The following LRP1B variants were observed in gnomAD, a reference collection of about 807,000 sequenced individuals.
LRP1B encodes the protein low-density lipoprotein receptor-related protein 1B.
Under a neutral mutation model 556.6 loss-of-function variants are expected in LRP1B, and 217 were observed. That is an observed-to-expected ratio of 0.39 (90% confidence interval 0.35 to 0.44). LRP1B has a LOEUF of 0.44. Ranked by LOEUF, LRP1B falls within the 20% of genes least tolerant of loss-of-function variation. The probability of loss-of-function intolerance (pLI) is 1.00; values close to 1 mark genes in which losing one functional copy is unlikely to be tolerated. For synonymous variants in LRP1B, 2,047 were observed against 1,865.8 expected (o/e 1.10, Z -2.50); for missense variants, 5,053 against 5,620.8 (o/e 0.90, Z 3.23).
intron 31 of LRP1B, among the ~76,000 whole-genome samples, chr2:140,828,336 G>A (rs186038973): frequency 9.9e-5 from 15 of 151,836 alleles, no homozygotes; most frequent in South Asian, 6.2e-4. Flanking sequence ...AGGGCCGGGC[G>A]CGGTGGCTCA....
At chr2:141,846,431 A>T (rs1486412657) in intron 1 of LRP1B, among the ~76,000 whole-genome samples, 1 of 151,596 alleles carries the variant, frequency 6.6e-6, no homozygotes, top group Non-Finnish European at 1.5e-5. Context: ...GATTGTATAG[A>T]TATGTTTTAC....
chr2:140,641,208 TCTTGGAACAATGA>T lies in LRP1B; in HGVS notation c.6800-39582_6800-39570del. ...GGCTGTTCTTTTTATGAAATTTAAA[TCTTGGAACAATGA>T]CTGATAGTATAAAGGGAAATTAGCT... is the stretch of plus-strand genomic sequence containing the variant. On this transcript the variant is annotated intron_variant, in intron 41 of 90. Coordinates refer to ENST00000389484, the MANE Select transcript of LRP1B (RefSeq NM_018557.3). Among the ~76,000 whole-genome samples, 3 of 152,324 alleles carry T rather than the reference TCTTGGAACAATGA, an allele frequency of 2.0e-5. No individual in the cohort carries two copies. The Middle Eastern group carries it at 0.01, about 518-fold the overall frequency.
At chr2:140,879,951 A>T (rs1268032385) in intron 25 of LRP1B, among the ~76,000 whole-genome samples, 1 of 102,406 alleles carries the variant, frequency 9.8e-6, no homozygotes, top group Non-Finnish European at 2.3e-5. Flanking sequence ...GATCCTGGTT[A>T]AAAAAAAAAA....
At chr2:140,630,655 C>T (rs1192748281) in intron 41 of LRP1B, among the ~76,000 whole-genome samples, 1 of 152,024 alleles carries the variant, frequency 6.6e-6, no homozygotes, top group Non-Finnish European at 1.5e-5. Flanking sequence ...CACGTTCTCA[C>T]AGTGAAGAAT....
At chr2:141,436,723 A>G (rs2104995258) in intron 3 of LRP1B, among the ~76,000 whole-genome samples, 1 of 152,298 alleles carries the variant, frequency 6.6e-6, no homozygotes, top group Admixed American at 6.5e-5. Context: ...TAAATTTCCA[A>G]TTAGATTCTT....
chr2:140,859,683 G>A (rs1304706872), intron 27 of LRP1B, among the ~76,000 whole-genome samples: 1 of 151,934 alleles, frequency 6.6e-6, no homozygotes, highest in Non-Finnish European at 1.5e-5. Flanking sequence ...CCTCTTAATG[G>A]TAACCTTTGT....
intron 10 of LRP1B, among the ~76,000 whole-genome samples, chr2:141,049,712 C>T (rs187628197): frequency 6.6e-6 from 1 of 152,192 alleles, no homozygotes; most frequent in East Asian, 1.9e-4. Context: ...GTATCACTAA[C>T]TTGCATGTGA....
At chr2:141,965,652 C>T (rs1242012372) in intron 1 of LRP1B, among the ~76,000 whole-genome samples, 92 of 130,252 alleles carry the variant, frequency 7.1e-4, no homozygotes, top group Non-Finnish European at 1.2e-3. Flanking sequence ...TGCTAGATGA[C>T]GAGTTAGTGG....
chr2:141,596,570 C>A (rs1215565461), intron 2 of LRP1B, among the ~76,000 whole-genome samples: 1 of 151,936 alleles, frequency 6.6e-6, no homozygotes, highest in African/African-American at 2.4e-5. Context: ...AACATAACCA[C>A]AAATGCACTC....
At chr2:142,010,782 C>T (rs1283658558) in intron 1 of LRP1B, among the ~76,000 whole-genome samples, 1 of 151,924 alleles carries the variant, frequency 6.6e-6, no homozygotes, top group Admixed American at 6.6e-5. Context: ...CCAGGAATGA[C>T]AATGGTTGAT....
intron 47 of LRP1B, among the ~76,000 whole-genome samples, chr2:140,531,912 C>T (rs889412365): frequency 6.6e-6 from 1 of 152,106 alleles, no homozygotes; most frequent in Admixed American, 6.6e-5. Flanking sequence ...CTCTATTAGT[C>T]CTGCAGGCTA....
chr2:141,240,003 C>T (rs539103502), intron 5 of LRP1B, among the ~76,000 whole-genome samples: 3 of 152,110 alleles, frequency 2.0e-5, no homozygotes, highest in Admixed American at 6.6e-5. Flanking sequence ...TTCTTTGTAA[C>T]TTGATGTTCT....
At chr2:140,706,034 C>T (rs912228265) in intron 37 of LRP1B, among the ~76,000 whole-genome samples, 3 of 152,054 alleles carry the variant, frequency 2.0e-5, no homozygotes, top group African/African-American at 4.8e-5. Context: ...TCTCCAAGCT[C>T]GTAAAACTGC....
At chr2:141,077,800 AT>A (rs1383535020) in intron 7 of LRP1B, among the ~76,000 whole-genome samples, 1 of 151,930 alleles carries the variant, frequency 6.6e-6, no homozygotes, top group African/African-American at 2.4e-5. Context: ...CTTAAAAGAA[AT>A]CTCTCTATAT....
At chr2:140,312,719 A>G (rs963521982) in intron 83 of LRP1B, among the ~76,000 whole-genome samples, 36 of 152,058 alleles carry the variant, frequency 2.4e-4, no homozygotes, top group African/African-American at 7.5e-4. Flanking sequence ...CAATATCAAA[A>G]TATTTCATTT....
chr2:142,115,727 TAA>T lies in LRP1B; in HGVS notation c.82+14919_82+14920del, dbSNP rs796570637. ...ATATAATATATATGTAATATATATA[TAA>T]TATATATGTAATATATATATTATAT... On this transcript the variant is annotated intron_variant, in intron 1 of 90. Coordinates refer to ENST00000389484, the MANE Select transcript of LRP1B (RefSeq NM_018557.3). Among the ~76,000 whole-genome samples, 11 of 16,106 alleles carry T rather than the reference TAA, an allele frequency of 6.8e-4. 5 individuals carry two copies. The highest frequency in any genetic ancestry group is 1.7e-3 in the African/African-American group (11 of 6,508). The allele number at this position is 16,106 out of a possible 152,430, so 10.6% of individuals were successfully genotyped here.
intron 87 of LRP1B, among the ~76,000 whole-genome samples, chr2:140,242,706 G>A (rs1211426165): frequency 1.3e-5 from 2 of 150,994 alleles, no homozygotes; most frequent in African/African-American, 4.8e-5. Flanking sequence ...GGCTTAAGGA[G>A]CAAATCCTCT....
chr2:140,502,940 C>A lies in LRP1B; in HGVS notation c.8662+23G>T, dbSNP rs139728800. On this transcript the variant is annotated intron_variant, in intron 54 of 90. Transcript: ENST00000389484. ...CATTGAAAACACTTTAGAGTAAATG[C>A]GGTATTGTATATATTTCTGTACCTG... 1.3e-3 allele frequency: 2,134 copies of A among 1,608,532 alleles called. 6 individuals are homozygous for A. The highest frequency in any genetic ancestry group is 1.5e-3 in the Non-Finnish European group (1,807 of 1,176,090).
chr2:141,535,156 TC>T (rs1413051929), intron 2 of LRP1B, among the ~76,000 whole-genome samples: 2 of 152,144 alleles, frequency 1.3e-5, no homozygotes, highest in African/African-American at 4.8e-5. Context: ...CTCCTTAGCG[TC>T]TGCTGGTAAC....
Sources: allele counts gnomAD v4.1 joint callset (sites outside exome capture counted in the v4.1 genomes callset), GRCh38; gene constraint gnomAD v4.1.1; transcripts MANE v1.5; gene names NCBI Gene and HGNC (gene_info 2026-07-23, HGNC 2026-07-21).